Variants in CPA5 observed in about 807,000 individuals in gnomAD.
CPA5 encodes the protein testicular tissue protein Li 32.
CPA5 carries 38 observed loss-of-function variants against 52.2 expected under a neutral mutation model. The observed-to-expected ratio is 0.73, with a 90% CI of 0.56 to 0.95. The LOEUF (loss-of-function observed/expected upper bound fraction) is 0.95, where lower values mean the gene tolerates loss of function less well. Ranked by LOEUF, CPA5 falls within the 40% of genes least tolerant of loss-of-function variation. The pLI is 0.00. For synonymous variants in CPA5, 198 were observed against 213.7 expected (o/e 0.93, Z 0.64); for missense variants, 519 against 566.7 (o/e 0.92, Z 0.86).
chr7:130,365,577 C>A (rs1796033526), intron 10 of CPA5, among the ~76,000 whole-genome samples: 1 of 152,184 alleles, frequency 6.6e-6, no homozygotes, highest in Non-Finnish European at 1.5e-5. Flanking sequence ...CTAATGAATC[C>A]ATTAGCAGGT....
At chr7:130,369,332 C>G (rs1049611002), downstream of CPA5, among the ~76,000 whole-genome samples, 3 of 152,206 alleles carry the variant, frequency 2.0e-5, no homozygotes, top group Admixed American at 6.5e-5. Flanking sequence ...TAAGTAGGCA[C>G]TTCCCCTAAG....
At chr7:130,364,076 G>A (rs1445628883) in intron 10 of CPA5, among the ~76,000 whole-genome samples, 1 of 152,124 alleles carries the variant, frequency 6.6e-6, no homozygotes, top group Admixed American at 6.6e-5. Context: ...CACCCAGGCT[G>A]GAGTGCAGTG....
chr7:130,368,608 G>A lies in CPA5; in HGVS notation c.*11G>A, dbSNP rs782531755. On this transcript the variant is annotated 3_prime_UTR_variant, in exon 13 of 13. Coordinates refer to ENST00000474905, the MANE Select transcript of CPA5 (RefSeq NM_080385.5). The stretch of plus-strand genomic sequence containing the variant: ...AATCACCCCTACTAGCAGCACGACT[G>A]AGGGCAGGAGGCTCCATCCTTCTCC... 4 of 1,613,516 alleles carry A rather than the reference G, an allele frequency of 2.5e-6. No homozygotes were observed. In the South Asian group the frequency reaches 3.3e-5, roughly 13 times the overall value.
intron 4 of CPA5, among the ~76,000 whole-genome samples, chr7:130,349,260 CCT>C (rs1794976535): frequency 3.9e-5 from 6 of 151,994 alleles, no homozygotes. Flanking sequence ...TGGTGAAACC[CCT>C]GTCTCTACTA....
intron 5 of CPA5, among the ~76,000 whole-genome samples, chr7:130,356,541 A>G (rs1426306690): frequency 6.6e-6 from 1 of 152,202 alleles, no homozygotes; most frequent in African/African-American, 2.4e-5. Context: ...GCCAAGGCAG[A>G]TTCCTGTTCC....
intron 5 of CPA5, among the ~76,000 whole-genome samples, chr7:130,357,004 G>C (rs1795509022): frequency 6.6e-6 from 1 of 152,202 alleles, no homozygotes; most frequent in Admixed American, 6.5e-5. Context: ...TTTTGTTAGA[G>C]CTTCCCAGAA....
chr7:130,361,086 C>A (rs1007960102), intron 6 of CPA5, 57 bp from the exon 7 acceptor site: 17 of 1,055,046 alleles, frequency 1.6e-5, no homozygotes, highest in East Asian at 1.4e-4. Context: ...AGAGAGGCCC[C>A]AGTGTTCATC....
Position 130,361,305 on chromosome 7 carries a change from T to G in CPA5, c.534+61T>G, listed in dbSNP as rs554458995. 5.1e-6 allele frequency: 6 copies of G among 1,184,992 alleles called. No homozygotes were observed. The East Asian group carries it at 1.4e-4, about 28-fold the overall frequency. The allele number at this position is 1,184,992 out of a possible 1,614,324, so 73.4% of individuals were successfully genotyped here. A position where few individuals can be genotyped will look rare whatever the true frequency, so the allele number is the denominator to read the frequency against. On this transcript the variant is annotated intron_variant, in intron 7 of 12. Transcript: ENST00000474905. Reference sequence around the variant, plus strand: ...TTGAGGGCCTCTGGCATAAGATTGATCTCATATGGGGTAGTGGCTGGGCGG... The same window carrying G: ...TTGAGGGCCTCTGGCATAAGATTGAGCTCATATGGGGTAGTGGCTGGGCGG...
chr7:130,350,633 C>G (rs80065655), intron 5 of CPA5, among the ~76,000 whole-genome samples: 1 of 152,208 alleles, frequency 6.6e-6, no homozygotes, highest in Non-Finnish European at 1.5e-5. Context: ...GCTCTCCGCA[C>G]GGGGCATCCC....
chr7:130,354,935 T>C (rs1482322755), intron 5 of CPA5, among the ~76,000 whole-genome samples: 3 of 152,032 alleles, frequency 2.0e-5, no homozygotes, highest in African/African-American at 7.3e-5. Flanking sequence ...TGTTGGCTGG[T>C]CTGTGGGTGA....
At chr7:130,366,769 C>T (rs913394890) in intron 10 of CPA5, among the ~76,000 whole-genome samples, 9 of 152,178 alleles carry the variant, frequency 5.9e-5, no homozygotes, top group African/African-American at 2.2e-4. Context: ...CACCCAGGAA[C>T]GGTCAGCCTA....
chr7:130,358,038 G>A (rs2117386174), intron 5 of CPA5, among the ~76,000 whole-genome samples: 1 of 150,900 alleles, frequency 6.6e-6, no homozygotes, highest in African/African-American at 2.4e-5. Context: ...GAGTACAGTG[G>A]TACGATCATA....
chr7:130,355,396 GGTGTGTGTGT>G (rs147556341), intron 5 of CPA5, among the ~76,000 whole-genome samples: 1 of 149,180 alleles, frequency 6.7e-6, no homozygotes, highest in African/African-American at 2.5e-5. Context: ...TGAGAACATT[GGTGTGTGTGT>G]GTGTGTGTGT....
intron 7 of CPA5, 148 bp from the exon 8 acceptor site, chr7:130,362,290 G>A: frequency 1.9e-6 from 1 of 532,388 alleles, no homozygotes; most frequent in Non-Finnish European, 3.4e-6. Flanking sequence ...TTGGGCACAT[G>A]GACAGGTACC....
chr7:130,369,642 TGTGTGTGCATGTGTGTGCAC>T (rs1348127848), downstream of CPA5, among the ~76,000 whole-genome samples: 3 of 151,724 alleles, frequency 2.0e-5, no homozygotes, highest in African/African-American at 7.3e-5. Context: ...TGTGCGTGTG[TGTGTGTGCATGTGTGTGCAC>T]GTGTGTGCAT....
chr7:130,368,394 G>A lies in CPA5; in HGVS notation c.1124-16G>A. 1 of 1,612,366 alleles carries A rather than the reference G, an allele frequency of 6.2e-7. No individual in the cohort carries two copies. The highest frequency in any genetic ancestry group is 8.5e-7 in the Non-Finnish European group (1 of 1,178,926). On this transcript the variant is annotated splice_polypyrimidine_tract_variant and intron_variant, in intron 12 of 12. Transcript: ENST00000474905. The stretch of plus-strand genomic sequence containing the variant: ...TCTTCCTTTTGTGGGGCACATTTTG[G>A]AACTTTTGTTTCTAGATGTGGCCAG...
At chr7:130,367,675 GT>G in intron 11 of CPA5, 104 bp downstream of exon 11, 2 of 1,196,974 alleles carry the variant, frequency 1.7e-6, no homozygotes, top group East Asian at 4.7e-5. Flanking sequence ...GAATGCAGGG[GT>G]CTGGGCTGAT....
chr7:130,347,229 C>T (rs1016894010), intron 3 of CPA5, among the ~76,000 whole-genome samples: 2 of 152,208 alleles, frequency 1.3e-5, no homozygotes, highest in Admixed American at 6.5e-5. Context: ...CTCTTGGATA[C>T]GCAACCTCCA....
downstream of CPA5, among the ~76,000 whole-genome samples, chr7:130,372,942 G>A (rs1435271197): frequency 6.6e-6 from 1 of 152,136 alleles, no homozygotes; most frequent in Non-Finnish European, 1.5e-5. Flanking sequence ...CATTTTTGCA[G>A]TTATGAAGAC....
Sources: gnomAD v4.1 joint callset for allele counts (sites outside exome capture counted in the v4.1 genomes callset) on GRCh38, gnomAD v4.1.1 for gene constraint, MANE v1.5 for transcripts, NCBI Gene and HGNC (gene_info 2026-07-23, HGNC 2026-07-21) for gene names.